Variants in PRKN observed in about 807,000 individuals in gnomAD.
The protein encoded by PRKN is E3 ubiquitin-protein ligase parkin.
Under a neutral mutation model 59.5 loss-of-function variants are expected in PRKN, and 56 were observed. The ratio of observed to expected loss-of-function variants is 0.94; its 90% CI spans 0.76 to 1.18. The LOEUF (loss-of-function observed/expected upper bound fraction) is 1.18, where lower values mean the gene tolerates loss of function less well. Among genes scored for constraint, PRKN ranks in the 50% most tolerant of loss-of-function variants. The pLI is 0.00. For synonymous variants in PRKN, 250 were observed against 222.1 expected, an observed-to-expected ratio of 1.13 and a Z score of -1.12; for missense variants, 657 against 596.4, an observed-to-expected ratio of 1.10 and a Z score of -1.06.
chr6:161,990,634 A>C (rs908604900), intron 5 of PRKN, among the ~76,000 whole-genome samples: 1 of 152,248 alleles, frequency 6.6e-6, no homozygotes, highest in Non-Finnish European at 1.5e-5. Flanking sequence ...AGGGCTTCAA[A>C]AAAAGATGAG....
At chr6:161,874,804 G>GATATATGAAATGTATA (rs1794623488) in intron 6 of PRKN, among the ~76,000 whole-genome samples, 1 of 12,206 alleles carries the variant, frequency 8.2e-5, no homozygotes, top group African/African-American at 3.3e-4. Flanking sequence ...AAATGTATAA[G>GATATATGAAATGTATA]ATATATAAAA....
At chr6:162,438,558 A>G (rs920140318) in intron 2 of PRKN, among the ~76,000 whole-genome samples, 1 of 152,152 alleles carries the variant, frequency 6.6e-6, no homozygotes, top group Non-Finnish European at 1.5e-5. Flanking sequence ...CACTGGGTAT[A>G]ATATTACAGG....
chr6:162,468,368 A>G (rs1023360095), intron 1 of PRKN, among the ~76,000 whole-genome samples: 1 of 152,216 alleles, frequency 6.6e-6, no homozygotes, highest in Non-Finnish European at 1.5e-5. Flanking sequence ...TTTGCATATA[A>G]TAACTGGACT....
intron 1 of PRKN, among the ~76,000 whole-genome samples, chr6:162,496,898 T>C (rs1793088100): frequency 6.6e-6 from 1 of 152,212 alleles, no homozygotes; most frequent in South Asian, 2.1e-4. Flanking sequence ...TGAATGTCTA[T>C]CTGCCACTGT....
In PRKN at chr6:162,597,617, C is replaced by T. The variant is rs556241818; in HGVS notation, c.7+130045G>A. On this transcript the variant is annotated intron_variant, in intron 1 of 11. Coordinates refer to ENST00000366898, the MANE Select transcript of PRKN (RefSeq NM_004562.3). ...TGTTTCATGCCTAATGTTTCTGACA[C>T]GCTATTTATCTGTTTTGAAATGCAC... 2.9e-4 allele frequency among the ~76,000 whole-genome samples: 44 copies of T among 152,236 alleles called. 1 individual carries two copies. The highest frequency in any genetic ancestry group is 9.9e-4 in the African/African-American group (41 of 41,560).
rs150122732 is a variant in PRKN at position 162,133,387 on chromosome 6, T to C, written c.534+67744A>G. Among the ~76,000 whole-genome samples the C allele has an allele frequency of 6.0e-4, 91 of 152,296 alleles. 2 individuals are homozygous for C. Among genetic ancestry groups the C allele is most frequent in the African/African-American group, 2.2e-3 (91 of 41,574 alleles). The stretch of plus-strand genomic sequence containing the variant: ...AGATAGGACTTGAAGATATTTGTCC[T>C]TAGCAACTGAGAGAGCAGTGGTGCT... On this transcript the variant is annotated intron_variant, in intron 4 of 11. Transcript: ENST00000366898.
At chr6:161,537,299 C>A (rs1215709260) in intron 9 of PRKN, among the ~76,000 whole-genome samples, 1 of 152,192 alleles carries the variant, frequency 6.6e-6, no homozygotes, top group African/African-American at 2.4e-5. Flanking sequence ...CTTTAAAAAT[C>A]TAGCAAATAA....
chr6:161,573,405 T>C (rs1780969693), intron 7 of PRKN, among the ~76,000 whole-genome samples: 1 of 152,098 alleles, frequency 6.6e-6, no homozygotes, highest in Non-Finnish European at 1.5e-5. Context: ...TCTAGACACA[T>C]TGAAGACATA....
intron 6 of PRKN, among the ~76,000 whole-genome samples, chr6:161,840,000 T>G (rs1163748796): frequency 6.6e-6 from 1 of 152,238 alleles, no homozygotes; most frequent in African/African-American, 2.4e-5. Flanking sequence ...CACTCGCCCA[T>G]CTCAGGCTCG....
intron 9 of PRKN, among the ~76,000 whole-genome samples, chr6:161,432,506 G>A (rs1213136298): frequency 6.6e-6 from 1 of 151,082 alleles, no homozygotes; most frequent in African/African-American, 2.4e-5. Flanking sequence ...GGGATTACAG[G>A]CGCCCGCCAT....
chr6:162,702,027 G>A (rs553899849), intron 1 of PRKN, among the ~76,000 whole-genome samples: 1 of 152,006 alleles, frequency 6.6e-6, no homozygotes, highest in South Asian at 2.1e-4. Flanking sequence ...AAAAACAATA[G>A]TATATTGTTT....
chr6:162,471,681 T>C (rs1791756710), intron 1 of PRKN, among the ~76,000 whole-genome samples: 2 of 152,228 alleles, frequency 1.3e-5, no homozygotes, highest in South Asian at 4.1e-4. Flanking sequence ...TTAGAATTCA[T>C]AAATTATACA....
At position 161,526,298 on chromosome 6, in the gene PRKN, C is replaced by T. The variant is rs56228226; in HGVS notation, c.1083+22556G>A. On this transcript the variant is annotated intron_variant, in intron 9 of 11. Coordinates refer to ENST00000366898, the MANE Select transcript of PRKN (RefSeq NM_004562.3). The surrounding 1 kb of genome is among the most constrained non-coding windows in gnomAD (Gnocchi z 4.1). Reference sequence around the variant, plus strand: ...TCATGTGTTCAGACACATGCATGTGCGTGCACACAAACACACCTGTTCAAC... The same window carrying T: ...TCATGTGTTCAGACACATGCATGTGTGTGCACACAAACACACCTGTTCAAC... 0.077 allele frequency among the ~76,000 whole-genome samples: 11,749 copies of T among 152,254 alleles called. 550 individuals are homozygous for T. The highest frequency in any genetic ancestry group is 0.14 in the African/African-American group (5,979 of 41,526).
rs986922044 is a variant in PRKN at position 161,566,379 on chromosome 6, T to C, written c.933+2976A>G. Among the ~76,000 whole-genome samples, 22 of 152,306 alleles carry C rather than the reference T, an allele frequency of 1.4e-4. No individual in the cohort carries two copies. Among genetic ancestry groups the C allele is most frequent in the African/African-American group, 3.6e-4 (15 of 41,578 alleles). ...TCTTCCTTTGGCTCCCAGGTCATGA[T>C]ACCTGCCTGGATTTTTTCCCACCTT... On this transcript the variant is annotated intron_variant, in intron 8 of 11. Transcript: ENST00000366898. The surrounding 1 kb of genome is among the most constrained non-coding windows in gnomAD (Gnocchi z 4.1).
intron 1 of PRKN, among the ~76,000 whole-genome samples, chr6:162,541,133 C>T (rs557645028): frequency 6.6e-6 from 1 of 152,132 alleles, no homozygotes; most frequent in Non-Finnish European, 1.5e-5. Context: ...TCCTAGGTGC[C>T]AGAGGTTGTT....
chr6:161,537,482 T>C (rs1398538328), intron 9 of PRKN, among the ~76,000 whole-genome samples: 3 of 152,076 alleles, frequency 2.0e-5, no homozygotes, highest in Non-Finnish European at 2.9e-5. Flanking sequence ...GATGGATTCT[T>C]GCTCTGTCGC....
At chr6:162,030,961 G>T (rs1055006233) in intron 5 of PRKN, among the ~76,000 whole-genome samples, 3 of 152,144 alleles carry the variant, frequency 2.0e-5, no homozygotes, top group African/African-American at 4.8e-5. Flanking sequence ...GAGTAAATGG[G>T]GAAGGAAGAA....
intron 4 of PRKN, among the ~76,000 whole-genome samples, chr6:162,185,591 G>GTA (rs1490998059): frequency 3.9e-5 from 6 of 152,286 alleles, no homozygotes; most frequent in African/African-American, 1.4e-4. Flanking sequence ...AAACTAGTGA[G>GTA]TAACAGCTTA....
rs949363905 is a variant in PRKN, at chr6:161,350,004, G to A, written c.*95C>T. 5 of 738,288 alleles carry A rather than the reference G, an allele frequency of 6.8e-6. No homozygotes were observed. Among genetic ancestry groups the A allele is most frequent in the Non-Finnish European group, 1.1e-5 (5 of 436,004 alleles). 45.7% of individuals were successfully genotyped at this position (738,288 alleles called of 1,614,324 possible). A position where few individuals can be genotyped will look rare whatever the true frequency, so the allele number is the denominator to read the frequency against. ...GAAGAGTGTGTGTGCGCGCGCGCGC[G>A]TGTGTGTGTGTGTTTGAAAAGAGAA... On this transcript the variant is annotated 3_prime_UTR_variant, in exon 12 of 12. Coordinates refer to ENST00000366898, the MANE Select transcript of PRKN (RefSeq NM_004562.3).
Sources: gnomAD v4.1 joint callset for allele counts (sites outside exome capture counted in the v4.1 genomes callset) on GRCh38, gnomAD v4.1.1 for gene constraint, Gnocchi (gnomAD v3.1) non-coding constraint, MANE v1.5 for transcripts, NCBI Gene and HGNC (gene_info 2026-07-23, HGNC 2026-07-21) for gene names.